Variants in FOXN3 observed in about 807,000 individuals in gnomAD.
The protein encoded by FOXN3 is forkhead box N3, also known as forkhead box protein N3.
Under a neutral mutation model 38.4 loss-of-function variants are expected in FOXN3, and 7 were observed. That is an observed-to-expected ratio of 0.18 (90% CI 0.10 to 0.34). FOXN3 has a LOEUF of 0.34. Ranked by LOEUF, FOXN3 falls within the 10% of genes least tolerant of loss-of-function variation. FOXN3 has a pLI of 1.00. For synonymous variants in FOXN3, 230 were observed against 242.2 expected (o/e 0.95, Z 0.47); for missense variants, 456 against 613.4 (o/e 0.74, Z 2.71).
intron 1 of FOXN3, among the ~76,000 whole-genome samples, chr14:89,524,299 C>T (rs1357670409): frequency 3.0e-5 from 4 of 131,812 alleles, no homozygotes; most frequent in African/African-American, 5.5e-5. Flanking sequence ...GTGTGAAACC[C>T]GGGGGGCAGA....
intron 1 of FOXN3, among the ~76,000 whole-genome samples, chr14:89,441,604 T>C (rs544975751): frequency 3.5e-4 from 54 of 152,316 alleles, no homozygotes; most frequent in African/African-American, 1.3e-3. Context: ...AAGGGCATCA[T>C]CCTTCCGCAG....
chr14:89,271,254 C>T (rs181471210), intron 4 of FOXN3, among the ~76,000 whole-genome samples: 2 of 152,190 alleles, frequency 1.3e-5, no homozygotes, highest in Admixed American at 6.5e-5. Flanking sequence ...GTTATTCTTC[C>T]TCATTAAAAT....
At chr14:89,187,524 C>A (rs778710899) in intron 4 of FOXN3, among the ~76,000 whole-genome samples, 1 of 152,200 alleles carries the variant, frequency 6.6e-6, no homozygotes, top group African/African-American at 2.4e-5. Context: ...ACAGGAATAG[C>A]CTCTCACTTT....
chr14:89,612,284 C>T (rs1004620651), intron 1 of FOXN3, among the ~76,000 whole-genome samples: 2 of 152,094 alleles, frequency 1.3e-5, no homozygotes, highest in Non-Finnish European at 2.9e-5. Flanking sequence ...GAAGGCCCCT[C>T]GCTAGTGTGA....
chr14:89,346,309 C>T (rs1888757346), intron 3 of FOXN3, among the ~76,000 whole-genome samples: 1 of 152,148 alleles, frequency 6.6e-6, no homozygotes, highest in Admixed American at 6.5e-5. Context: ...ACATTTTCCC[C>T]TAATGTCCTT....
chr14:89,526,964 A>G (rs1205596381), intron 1 of FOXN3, among the ~76,000 whole-genome samples: 1 of 152,216 alleles, frequency 6.6e-6, no homozygotes, highest in Non-Finnish European at 1.5e-5. Context: ...GTTTTAAACA[A>G]AAGTAAAAAA....
intron 3 of FOXN3, among the ~76,000 whole-genome samples, chr14:89,281,897 T>C (rs1295892191): frequency 6.6e-6 from 1 of 152,230 alleles, no homozygotes; most frequent in Non-Finnish European, 1.5e-5. Flanking sequence ...ATTATATTGG[T>C]TAATGCATTA....
intron 3 of FOXN3, among the ~76,000 whole-genome samples, chr14:89,302,175 C>T (rs1277072483): frequency 3.9e-5 from 6 of 152,158 alleles, no homozygotes; most frequent in Admixed American, 1.3e-4. Flanking sequence ...TTCGATGCTT[C>T]GAGAAAAACT....
At chr14:89,172,667 G>A (rs940390072) in intron 5 of FOXN3, among the ~76,000 whole-genome samples, 5 of 152,084 alleles carry the variant, frequency 3.3e-5, no homozygotes, top group African/African-American at 9.7e-5. Context: ...AGGAAAATAT[G>A]AAATAGGACC....
At chr14:89,324,813 G>T (rs1007427066) in intron 3 of FOXN3, among the ~76,000 whole-genome samples, 2 of 152,098 alleles carry the variant, frequency 1.3e-5, no homozygotes, top group African/African-American at 4.8e-5. Context: ...ACACTGAGAG[G>T]TTTCAAGGCT....
intron 2 of FOXN3, among the ~76,000 whole-genome samples, chr14:89,357,939 G>A (rs1889303830): frequency 2.6e-5 from 4 of 152,138 alleles, no homozygotes; most frequent in Admixed American, 2.6e-4. Flanking sequence ...AACCTTTCTA[G>A]CAGAAGCTCA....
intron 1 of FOXN3, among the ~76,000 whole-genome samples, chr14:89,432,418 C>A (rs1452539447): frequency 6.6e-6 from 1 of 152,174 alleles, no homozygotes; most frequent in Non-Finnish European, 1.5e-5. Context: ...TGACTGCGAT[C>A]CAAAGGATTA....
chr14:89,296,673 T>C (rs1887049159), intron 3 of FOXN3, among the ~76,000 whole-genome samples: 1 of 152,190 alleles, frequency 6.6e-6, no homozygotes. Flanking sequence ...TCTCGCTCTG[T>C]CGTCTAGGCT....
chr14:89,277,154 C>G (rs542281165), intron 4 of FOXN3, among the ~76,000 whole-genome samples: 1 of 152,164 alleles, frequency 6.6e-6, no homozygotes, highest in Non-Finnish European at 1.5e-5. Flanking sequence ...AGACTTTATT[C>G]TTTTCATTAA....
At chr14:89,469,703 G>C (rs1123155) in intron 1 of FOXN3, among the ~76,000 whole-genome samples, 1 of 152,340 alleles carries the variant, frequency 6.6e-6, no homozygotes, top group Admixed American at 6.5e-5. Flanking sequence ...ACTAGCTCTG[G>C]GGGAGAGAGA....
At chr14:89,254,175 G>A (rs1204826266) in intron 4 of FOXN3, among the ~76,000 whole-genome samples, 1 of 152,148 alleles carries the variant, frequency 6.6e-6, no homozygotes, top group African/African-American at 2.4e-5. Flanking sequence ...TTCCTCACAC[G>A]TTTCTGTAGG....
intron 4 of FOXN3, among the ~76,000 whole-genome samples, chr14:89,231,756 G>A (rs1002819399): frequency 8.5e-5 from 13 of 152,224 alleles, no homozygotes; most frequent in East Asian, 3.9e-4. Flanking sequence ...CCTACCTTGC[G>A]GTGCCTCTAT....
chr14:89,340,964 G>A (rs1888598266), intron 3 of FOXN3, among the ~76,000 whole-genome samples: 1 of 152,100 alleles, frequency 6.6e-6, no homozygotes, highest in African/African-American at 2.4e-5. Flanking sequence ...ACAAAGCTAT[G>A]CATCTATTCC....
intron 1 of FOXN3, among the ~76,000 whole-genome samples, chr14:89,460,645 C>A (rs930291140): frequency 3.6e-5 from 5 of 138,174 alleles, no homozygotes; most frequent in Non-Finnish European, 8.3e-5. Context: ...GTAGAGTTAT[C>A]AATCAATCAA....
Sources: allele counts gnomAD v4.1 joint callset (sites outside exome capture counted in the v4.1 genomes callset), GRCh38; gene constraint gnomAD v4.1.1; transcripts MANE v1.5; gene names NCBI Gene and HGNC (gene_info 2026-07-23, HGNC 2026-07-21).